Variants in ARHGAP22 observed in about 807,000 individuals in gnomAD.
ARHGAP22 encodes the protein Rho GTPase activating protein 22, also known as rho GTPase-activating protein 22.
ARHGAP22 carries 48 observed loss-of-function variants against 59.1 expected under a neutral mutation model. The observed-to-expected ratio is 0.81, with a 90% CI of 0.64 to 1.03. ARHGAP22 has a LOEUF of 1.03. ARHGAP22 is among the 50% of genes least tolerant of loss of function. The probability of loss-of-function intolerance (pLI) is 0.00; values close to 1 mark genes in which losing one functional copy is unlikely to be tolerated. For missense variants in ARHGAP22, 1,015 were observed against 958.7 expected (o/e 1.06, Z -0.78); for synonymous variants, 445 against 416.4 (o/e 1.07, Z -0.84).
chr10:48,539,360 C>T (rs1322443092), intron 3 of ARHGAP22, among the ~76,000 whole-genome samples: 1 of 141,496 alleles, frequency 7.1e-6, no homozygotes, highest in African/African-American at 2.7e-5. Context: ...GGCGCGATCT[C>T]GGCTCACTGC....
At chr10:48,592,463 G>A (rs1404065790) in intron 1 of ARHGAP22, among the ~76,000 whole-genome samples, 1 of 152,188 alleles carries the variant, frequency 6.6e-6, no homozygotes, top group Admixed American at 6.5e-5. Flanking sequence ...TTGATTGTGA[G>A]GCTGATCCAT....
chr10:48,621,972 CCTT>C (rs2061301238), intron 1 of ARHGAP22, among the ~76,000 whole-genome samples: 1 of 152,190 alleles, frequency 6.6e-6, no homozygotes, highest in Non-Finnish European at 1.5e-5. Flanking sequence ...CTCCTCCTCT[CCTT>C]TGGTTATTCT....
the ARHGAP22 span, chr10:48,438,298 A>G: frequency 6.6e-6 from 1 of 152,168 alleles, no homozygotes; most frequent in Non-Finnish European, 1.5e-5. Context: ...TTGTGTTTCT[A>G]CTGATCTCTC....
At chr10:48,592,155 C>T (rs918681475) in intron 1 of ARHGAP22, among the ~76,000 whole-genome samples, 1 of 152,204 alleles carries the variant, frequency 6.6e-6, no homozygotes, top group Non-Finnish European at 1.5e-5. Flanking sequence ...TCACTGTCTT[C>T]AATCCTTGTC....
intron 3 of ARHGAP22, among the ~76,000 whole-genome samples, chr10:48,533,440 G>T (rs972174040): frequency 6.6e-6 from 1 of 152,098 alleles, no homozygotes; most frequent in African/African-American, 2.4e-5. Context: ...TTGTGTTGTG[G>T]TTCATGATTT....
upstream of ARHGAP22, among the ~76,000 whole-genome samples, chr10:48,608,040 T>C (rs908328086): frequency 2.0e-5 from 3 of 152,212 alleles, no homozygotes; most frequent in African/African-American, 7.2e-5. Flanking sequence ...CCACCCCCAG[T>C]GGCTCTGATT....
chr10:48,472,826 AC>A (rs1366230021), intron 4 of ARHGAP22, among the ~76,000 whole-genome samples: 14 of 144,862 alleles, frequency 9.7e-5, no homozygotes, highest in Middle Eastern at 3.5e-3. Context: ...TAAAAAAAAA[AC>A]CAAAAAAAAC....
chr10:48,478,669 G>A lies in ARHGAP22; in HGVS notation c.451+967C>T, dbSNP rs142538872. Among the ~76,000 whole-genome samples the A allele has an allele frequency of 2.0e-5, 3 of 152,332 alleles. No individual in the cohort carries two copies. The East Asian group carries it at 5.8e-4, about 29-fold the overall frequency. On this transcript the variant is annotated intron_variant, in intron 4 of 9. Transcript: ENST00000249601. ...ATGCCATGGTGATCCCATTATGAAA[G>A]ATCTTTTCATGACCACTTCATATGG...
In ARHGAP22 at chr10:48,604,762, C is replaced by G. The variant is rs763350685; in HGVS notation, c.34+1G>C. 11 of 1,614,122 alleles carry G rather than the reference C, an allele frequency of 6.8e-6. No homozygotes were observed. Among genetic ancestry groups the G allele is most frequent in the South Asian group, 5.5e-5 (5 of 91,086 alleles). ...GAGAAACCCCAGAAAGTTGGACTTA[C>G]CCCTCCTGGCCTGCCTGATCTTTGG... is the stretch of plus-strand genomic sequence containing the variant. On this transcript the variant is annotated splice_donor_variant, in intron 1 of 9. Coordinates refer to ENST00000249601, the MANE Select transcript of ARHGAP22 (RefSeq NM_021226.4). LOFTEE classifies it high-confidence loss of function.
At chr10:48,591,827 T>C (rs1396348063) in intron 1 of ARHGAP22, among the ~76,000 whole-genome samples, 1 of 151,906 alleles carries the variant, frequency 6.6e-6, no homozygotes, top group Non-Finnish European at 1.5e-5. Context: ...TGAGTCGAGA[T>C]TGCATCACTG....
At chr10:48,524,042 G>A (rs1270679828) in intron 3 of ARHGAP22, 4 of 1,475,832 alleles carry the variant, frequency 2.7e-6, no homozygotes, top group Admixed American at 2.2e-5. Context: ...GCACGTGCGC[G>A]CCGGAGTTAC....
chr10:48,479,619 C>CGATCTACG lies in ARHGAP22; in HGVS notation c.451+9_451+16dup. 3 of 1,613,784 alleles carry CGATCTACG rather than the reference C, an allele frequency of 1.9e-6. No homozygotes were observed. Among genetic ancestry groups the CGATCTACG allele is most frequent in the Non-Finnish European group, 2.5e-6 (3 of 1,179,944 alleles). On this transcript the variant is annotated intron_variant, in intron 4 of 9. Transcript: ENST00000249601. ...GCAAGGGTTCTAGAGGGTGGGCATG[C>CGATCTACG]GATCTACGGGCAGTACCTCCGCCCA...
rs2059210328 is a variant in ARHGAP22 at position 48,582,999 on chromosome 10, C to T, written c.188G>A (p.Gly63Glu). The T allele has an allele frequency of 1.9e-6, 3 of 1,614,250 alleles. No individual in the cohort carries two copies. Among genetic ancestry groups the T allele is most frequent in the South Asian group, 1.1e-5 (1 of 91,086 alleles). The stretch of plus-strand genomic sequence containing the variant: ...GTCCTTGTAGTAGAAAAGCTGATCC[C>T]CACGCAGCACAAACCAGCGCTGCTG... The part of the protein sequence containing the change: ...NWQQRWFVLR[G>E]DQLFYYKDKD... The change falls in exon 2 of 10, where the codon GGG becomes GAG. Residue 63 changes from glycine to glutamate, a missense_variant. By Grantham distance (98) the Gly-to-Glu change is moderately conservative. Transcript: ENST00000249601.
At chr10:48,482,569 G>A (rs2049431880) in intron 3 of ARHGAP22, among the ~76,000 whole-genome samples, 1 of 152,178 alleles carries the variant, frequency 6.6e-6, no homozygotes, top group Non-Finnish European at 1.5e-5. Context: ...TCACCATTAA[G>A]TCTATCTGCT....
chr10:48,516,572 C>A (rs2053314729), intron 3 of ARHGAP22, among the ~76,000 whole-genome samples: 3 of 151,962 alleles, frequency 2.0e-5, no homozygotes, highest in Admixed American at 1.3e-4. Flanking sequence ...TAACTGTTTG[C>A]CAACAAATTA....
At chr10:48,440,492 CAAAG>C in the ARHGAP22 span, among the ~76,000 whole-genome samples, 2 of 152,046 alleles carry the variant, frequency 1.3e-5, no homozygotes, top group Admixed American at 1.3e-4. Context: ...AGGAGTTTCA[CAAAG>C]AAACTGTGTT....
intron 2 of ARHGAP22, among the ~76,000 whole-genome samples, chr10:48,567,202 A>C (rs534935628): frequency 6.6e-6 from 1 of 152,032 alleles, no homozygotes. Context: ...GCCTCATCTC[A>C]CTGTATTCCT....
the ARHGAP22 span, chr10:48,430,953 CAGAAACAGTGAATTACAGGAA>C: frequency 9.6e-6 from 5 of 521,750 alleles, no homozygotes; most frequent in Non-Finnish European, 1.7e-5. Context: ...AAACCAACTT[CAGAAACAGTGAATTACAGGAA>C]AGATTAGTAC....
chr10:48,551,532 C>G (rs1278565978), intron 3 of ARHGAP22, among the ~76,000 whole-genome samples: 1 of 152,234 alleles, frequency 6.6e-6, no homozygotes, highest in Non-Finnish European at 1.5e-5. Context: ...GCCAGTCACC[C>G]TTTCTCTCAG....
Sources: gnomAD v4.1 joint callset for allele counts (sites outside exome capture counted in the v4.1 genomes callset) on GRCh38, gnomAD v4.1.1 for gene constraint, MANE v1.5 for transcripts, NCBI Gene and HGNC (gene_info 2026-07-23, HGNC 2026-07-21) for gene names.